Variants in SOS2 observed in about 807,000 individuals in gnomAD.
SOS2 encodes SOS Ras/Rho guanine nucleotide exchange factor 2, also known as son of sevenless homolog 2.
A neutral mutation model predicts 148.2 loss-of-function variants in SOS2; 65 were observed. That is an observed-to-expected ratio of 0.44 (90% CI 0.36 to 0.54). The LOEUF (loss-of-function observed/expected upper bound fraction) is 0.54, where lower values mean the gene tolerates loss of function less well. SOS2 is among the 20% of genes least tolerant of loss of function. The pLI is 0.00. For missense variants in SOS2, 1,341 were observed against 1,590.2 expected (o/e 0.84, Z 2.67); for synonymous variants, 539 against 537.1 (o/e 1.00, Z -0.05).
chr14:50,230,036 G>T (rs1329059753), intron 1 of SOS2, among the ~76,000 whole-genome samples: 1 of 152,168 alleles, frequency 6.6e-6, no homozygotes, highest in East Asian at 1.9e-4. Context: ...AGTCATTTCT[G>T]CCAGGTTCTT....
chr14:50,156,426 G>A (rs537156903), intron 12 of SOS2: 1 of 152,216 alleles, frequency 6.6e-6, no homozygotes, highest in East Asian at 1.9e-4. Flanking sequence ...AGATAAAAAA[G>A]ATAAAGCATT....
intron 7 of SOS2, among the ~76,000 whole-genome samples, chr14:50,177,693 T>C (rs1185458193): frequency 6.6e-6 from 1 of 152,192 alleles, no homozygotes; most frequent in East Asian, 1.9e-4. Context: ...CTTGAAGTAA[T>C]TTTGAGAATT....
intron 12 of SOS2, chr14:50,156,282 G>T (rs922820710): frequency 1.6e-5 from 2 of 127,388 alleles, no homozygotes; most frequent in African/African-American, 6.0e-5. Context: ...ACACACACAC[G>T]CAAAGAAAGT....
intron 7 of SOS2, 111 bp from the exon 8 acceptor site, chr14:50,174,663 C>T (rs778001117): frequency 1.0e-5 from 5 of 497,544 alleles, no homozygotes; most frequent in Non-Finnish European, 1.8e-5. Flanking sequence ...CTTATCAAAA[C>T]TACAACAGAA....
chr14:50,127,136 T>TC (rs1883705637), intron 21 of SOS2, among the ~76,000 whole-genome samples: 1 of 128,312 alleles, frequency 7.8e-6, no homozygotes, highest in Non-Finnish European at 1.6e-5. Context: ...TAAGAAGGTC[T>TC]CCTTTTTTTT....
At chr14:50,135,642 C>CTTTTTTTTTTTTTT (rs56043962) in intron 18 of SOS2, among the ~76,000 whole-genome samples, 8 of 82,564 alleles carry the variant, frequency 9.7e-5, no homozygotes, top group Admixed American at 1.7e-4. Context: ...ATGTGGTTTG[C>CTTTTTTTTTTTTTT]TTTTTTTTTT....
rs553153992 is a variant in SOS2 at position 50,145,489 on chromosome 14, A to C, written c.2492T>G (p.Leu831Arg). The change falls in exon 15 of 23, where the codon CTC becomes CGC. Residue 831 changes from leucine (L) to arginine (R), a missense_variant. Leu to Arg is a moderately radical substitution (Grantham distance 102). Coordinates refer to ENST00000216373, the MANE Select transcript of SOS2 (RefSeq NM_006939.4). ...KMIRHTTNLT[L>R]WFEKCIVEAE... ...AATTAAAACTTACTTTTCAAACCAG[A>C]GGGTGAGATTTGTGGTATGGCGAAT... 8 of 1,602,302 alleles carry C rather than the reference A, an allele frequency of 5.0e-6. No homozygotes were observed. The highest frequency in any genetic ancestry group is 6.8e-6 in the Non-Finnish European group (8 of 1,173,144).
intron 22 of SOS2, 21 bp downstream of exon 22, chr14:50,120,254 G>C: frequency 9.4e-7 from 1 of 1,060,118 alleles, no homozygotes; most frequent in Non-Finnish European, 1.5e-6. Flanking sequence ...GAATAAGTTG[G>C]AGTAAAGTCC....
intron 1 of SOS2, chr14:50,215,449 C>T (rs1475685301): frequency 7.9e-7 from 1 of 1,264,560 alleles, no homozygotes; most frequent in Non-Finnish European, 1.0e-6. Context: ...AGACAGTAAA[C>T]ATAAAATTAC....
At chr14:50,203,535 C>A (rs193043322) in intron 2 of SOS2, among the ~76,000 whole-genome samples, 2 of 152,008 alleles carry the variant, frequency 1.3e-5, no homozygotes. Flanking sequence ...TCCAAAAATA[C>A]TCCCATGTAA....
At chr14:50,221,515 T>C (rs1303084543) in intron 1 of SOS2, among the ~76,000 whole-genome samples, 1 of 152,218 alleles carries the variant, frequency 6.6e-6, no homozygotes, top group South Asian at 2.1e-4. Flanking sequence ...ATAGGATACA[T>C]GTTGCTCTGA....
chr14:50,144,051 A>G (rs930959565), intron 16 of SOS2, among the ~76,000 whole-genome samples: 8 of 152,180 alleles, frequency 5.3e-5, no homozygotes, highest in Non-Finnish European at 1.0e-4. Context: ...CTTAAAGTAT[A>G]TAAATACTCA....
At chr14:50,163,178 A>G (rs564218702) in intron 8 of SOS2, among the ~76,000 whole-genome samples, 2 of 150,274 alleles carry the variant, frequency 1.3e-5, no homozygotes, top group South Asian at 2.1e-4. Context: ...CATCATATAG[A>G]TATTATATAT....
At chr14:50,178,675 T>C (rs1197373858) in intron 7 of SOS2, among the ~76,000 whole-genome samples, 4 of 2,628 alleles carry the variant, frequency 1.5e-3, no homozygotes, top group African/African-American at 4.0e-3. Context: ...TGTGTGCATA[T>C]ATATATATAT....
chr14:50,137,841 TTTTTA>T (rs1884135000), intron 18 of SOS2, among the ~76,000 whole-genome samples: 2 of 152,154 alleles, frequency 1.3e-5, no homozygotes, highest in African/African-American at 4.8e-5. Flanking sequence ...TAGTTAATAT[TTTTTA>T]TTTTATTTTT....
chr14:50,209,321 G>GTGTGTGTGTGTGTGTC (rs1179515891), intron 1 of SOS2, among the ~76,000 whole-genome samples: 211 of 141,840 alleles, frequency 1.5e-3, no homozygotes, highest in Non-Finnish European at 2.5e-3. Context: ...GTGTGTGTGT[G>GTGTGTGTGTGTGTGTC]TCTCCTATTG....
chr14:50,156,974 TATATAA>T lies in SOS2; in HGVS notation c.2057+19_2057+24del. Reference sequence around the variant, plus strand: ...GTGTATATATATGTGTATATATATATATATAAAAAATATTCAAGCCAAACCTAAGTT... The same window carrying T: ...GTGTATATATATGTGTATATATATATAAAATATTCAAGCCAAACCTAAGTT... On this transcript the variant is annotated intron_variant, in intron 12 of 22. Coordinates refer to ENST00000216373, the MANE Select transcript of SOS2 (RefSeq NM_006939.4). The T allele has an allele frequency of 3.0e-6, 4 of 1,355,512 alleles. No individual in the cohort carries two copies. The highest frequency in any genetic ancestry group is 4.1e-6 in the Non-Finnish European group (4 of 975,304). The allele number at this position is 1,355,512 out of a possible 1,614,324, so 84.0% of individuals were successfully genotyped here.
At chr14:50,127,385 G>C (rs1002100760) in intron 21 of SOS2, among the ~76,000 whole-genome samples, 5 of 152,108 alleles carry the variant, frequency 3.3e-5, no homozygotes, top group African/African-American at 4.8e-5. Context: ...CAGGTGATCT[G>C]TCTGCCTCGG....
At chr14:50,126,911 GA>G (rs5808536) in intron 21 of SOS2, among the ~76,000 whole-genome samples, 44,588 of 150,056 alleles carry the variant, frequency 0.3, 7,725 homozygotes, top group Middle Eastern at 0.4. Context: ...ATGACAAAAT[GA>G]AAAAAAAAAA....
Sources: allele counts gnomAD v4.1 joint callset (sites outside exome capture counted in the v4.1 genomes callset), GRCh38; gene constraint gnomAD v4.1.1; transcripts MANE v1.5; gene names NCBI Gene and HGNC (gene_info 2026-07-23, HGNC 2026-07-21).